The following SEPTIN7 variants were observed in gnomAD, a reference collection of about 807,000 sequenced individuals.
SEPTIN7 encodes septin 7.
In SEPTIN7, 10 loss-of-function variants were observed where a neutral mutation model predicts 63.3. That is an observed-to-expected ratio of 0.16 (90% CI 0.10 to 0.27). The LOEUF (loss-of-function observed/expected upper bound fraction) is 0.27. Among genes scored for constraint, SEPTIN7 ranks in the 10% least tolerant of loss-of-function variants. The pLI, the probability that SEPTIN7 is intolerant of heterozygous loss-of-function variation, is 1.00. For missense variants in SEPTIN7, 310 were observed against 521.0 expected, an observed-to-expected ratio of 0.59 and a Z score of 3.94; for synonymous variants, 131 against 165.3, an observed-to-expected ratio of 0.79 and a Z score of 1.59.
At chr7:35,842,169 C>T (rs561344365) in intron 3 of SEPTIN7, among the ~76,000 whole-genome samples, 2 of 152,154 alleles carry the variant, frequency 1.3e-5, no homozygotes, top group African/African-American at 4.8e-5. Flanking sequence ...TTTTAATACA[C>T]AGCAGGTGGA....
chr7:35,863,333 A>G (rs1290697698), intron 3 of SEPTIN7, among the ~76,000 whole-genome samples: 1 of 152,170 alleles, frequency 6.6e-6, no homozygotes, highest in Non-Finnish European at 1.5e-5. Flanking sequence ...AAGTGGTATA[A>G]TTAGAAGACT....
Position 35,905,325 on chromosome 7 carries a change from A to G in SEPTIN7, c.*1032A>G, listed in dbSNP as rs1038824189. ...TGATGTAATATTGTGTGAGGTCTTA[A>G]ATATCCTACAGTCGATGTACAAGAG... is the stretch of plus-strand genomic sequence containing the variant. On this transcript the variant is annotated 3_prime_UTR_variant, in exon 14 of 14. Transcript: ENST00000350320. 6 of 152,642 alleles carry G rather than the reference A, an allele frequency of 3.9e-5. No individual in the cohort carries two copies. Among genetic ancestry groups the G allele is most frequent in the African/African-American group, 1.4e-4 (6 of 41,464 alleles). The allele number at this position is 152,642 out of a possible 1,614,324, so 9.5% of individuals were successfully genotyped here. A position where few individuals can be genotyped will look rare whatever the true frequency, so the allele number is the denominator to read the frequency against.
At chr7:35,829,067 C>G (rs748688235) in intron 1 of SEPTIN7, among the ~76,000 whole-genome samples, 5 of 151,274 alleles carry the variant, frequency 3.3e-5, no homozygotes, top group African/African-American at 9.7e-5. Flanking sequence ...CCTCCCTGAC[C>G]TCATTTCCTA....
At chr7:35,808,328 C>A (rs1788485139) in intron 1 of SEPTIN7, among the ~76,000 whole-genome samples, 1 of 152,196 alleles carries the variant, frequency 6.6e-6, no homozygotes, top group Admixed American at 6.5e-5. Context: ...ATTTATCCTT[C>A]CTGCCCCCAC....
chr7:35,803,470 G>A (rs1254880830), intron 1 of SEPTIN7, among the ~76,000 whole-genome samples: 1 of 152,196 alleles, frequency 6.6e-6, no homozygotes, highest in East Asian at 1.9e-4. Flanking sequence ...GTGATCAGAT[G>A]AGGGACCAGT....
chr7:35,842,815 C>T (rs1784473714), intron 3 of SEPTIN7, among the ~76,000 whole-genome samples: 1 of 152,088 alleles, frequency 6.6e-6, no homozygotes, highest in Admixed American at 6.5e-5. Context: ...TCTTTTGTCC[C>T]CCTAAATACT....
chr7:35,914,465 A>T, the SEPTIN7 span, among the ~76,000 whole-genome samples: 1 of 152,202 alleles, frequency 6.6e-6, no homozygotes, highest in Non-Finnish European at 1.5e-5. Context: ...CCCAAGGAAG[A>T]AGGAATTATG....
intron 3 of SEPTIN7, among the ~76,000 whole-genome samples, chr7:35,857,537 C>T (rs1469199248): frequency 2.0e-5 from 3 of 152,088 alleles, no homozygotes; most frequent in Non-Finnish European, 4.4e-5. Flanking sequence ...AATTAGAAAG[C>T]TTTGGTCCAT....
At chr7:35,880,189 T>G (rs1405032531) in intron 7 of SEPTIN7, among the ~76,000 whole-genome samples, 1 of 150,306 alleles carries the variant, frequency 6.7e-6, no homozygotes, top group African/African-American at 2.4e-5. Flanking sequence ...ATTTTCTTTT[T>G]TCTTTTCTCT....
intron 1 of SEPTIN7, among the ~76,000 whole-genome samples, chr7:35,801,702 C>G (rs1297737763): frequency 2.0e-5 from 3 of 152,134 alleles, no homozygotes; most frequent in Non-Finnish European, 2.9e-5. Context: ...CAGAAGTCCC[C>G]TCGTGGGGCA....
chr7:35,888,195 T>G (rs1485873010), intron 10 of SEPTIN7, among the ~76,000 whole-genome samples: 1 of 152,024 alleles, frequency 6.6e-6, no homozygotes, highest in Admixed American at 6.5e-5. Flanking sequence ...CCTGAAACTG[T>G]GGGGAAACTA....
the SEPTIN7 span, among the ~76,000 whole-genome samples, chr7:35,915,240 G>T: frequency 6.6e-6 from 1 of 150,758 alleles, no homozygotes; most frequent in Non-Finnish European, 1.5e-5. Context: ...TGCCCTTAAG[G>T]CACAGATCGC....
At chr7:35,874,507 A>G (rs1260416344) in intron 6 of SEPTIN7, among the ~76,000 whole-genome samples, 5 of 152,104 alleles carry the variant, frequency 3.3e-5, no homozygotes, top group Non-Finnish European at 5.9e-5. Context: ...AACTCAGTAT[A>G]TATAATTCAG....
At chr7:35,881,870 C>CTG in intron 7 of SEPTIN7, among the ~76,000 whole-genome samples, 1 of 152,032 alleles carries the variant, frequency 6.6e-6, no homozygotes, top group African/African-American at 2.4e-5. Flanking sequence ...CTCTAGGTTT[C>CTG]TGCATTCTCC....
intron 1 of SEPTIN7, among the ~76,000 whole-genome samples, chr7:35,830,970 T>A (rs564444825): frequency 6.6e-6 from 1 of 152,076 alleles, no homozygotes; most frequent in Non-Finnish European, 1.5e-5. Context: ...TATAAAAAGG[T>A]TTTAACCAAA....
rs190139315 is a variant in SEPTIN7, at chr7:35,854,611, T to A, written c.170-8941T>A. Among the ~76,000 whole-genome samples, 338 of 152,360 alleles carry A rather than the reference T, an allele frequency of 2.2e-3. 4 individuals are homozygous for A. The highest frequency in any genetic ancestry group is 2.9e-3 in the East Asian group (15 of 5,186). On this transcript the variant is annotated intron_variant, in intron 3 of 13. Coordinates refer to ENST00000350320, the MANE Select transcript of SEPTIN7 (RefSeq NM_001788.6). ...AGTTGCCAGCATCTGCAGCAACCTGTGCCTGATGCCTGCCTCTCATTTACT... is the reference window on the plus strand; with the variant it reads ...AGTTGCCAGCATCTGCAGCAACCTGAGCCTGATGCCTGCCTCTCATTTACT...
At chr7:35,840,236 CTCCCCT>C (rs1162244260) in intron 3 of SEPTIN7, among the ~76,000 whole-genome samples, 13 of 103,242 alleles carry the variant, frequency 1.3e-4, no homozygotes, top group South Asian at 4.6e-4. Flanking sequence ...CCCCTTTCCC[CTCCCCT>C]TCCCCTTCCC....
intron 3 of SEPTIN7, among the ~76,000 whole-genome samples, chr7:35,833,307 T>C (rs1391222395): frequency 6.6e-6 from 1 of 152,006 alleles, no homozygotes; most frequent in African/African-American, 2.4e-5. Flanking sequence ...AAAGGTAGGA[T>C]AGAGGATCAT....
chr7:35,801,780 G>C (rs1787997768), intron 1 of SEPTIN7, among the ~76,000 whole-genome samples: 1 of 152,048 alleles, frequency 6.6e-6, no homozygotes, highest in Non-Finnish European at 1.5e-5. Context: ...GGGCCAACCC[G>C]GGCGGGCGGC....
Sources: gnomAD v4.1 joint callset for allele counts (sites outside exome capture counted in the v4.1 genomes callset) on GRCh38, gnomAD v4.1.1 for gene constraint, MANE v1.5 for transcripts, NCBI Gene and HGNC (gene_info 2026-07-23, HGNC 2026-07-21) for gene names.